NBEA: variants seen among roughly 807,000 people sequenced by gnomAD.
NBEA encodes lysosomal-trafficking regulator 2.
Under a neutral mutation model 343.4 loss-of-function variants are expected in NBEA, and 44 were observed. The observed-to-expected ratio is 0.13, with a 90% CI of 0.10 to 0.16. The LOEUF (loss-of-function observed/expected upper bound fraction) is 0.16, where lower values mean the gene tolerates loss of function less well. Ranked by LOEUF, NBEA falls within the 10% of genes least tolerant of loss-of-function variation. The pLI is 1.00. For synonymous variants in NBEA, 1,175 were observed against 1,238.7 expected (o/e 0.95, Z 1.08); for missense variants, 2,555 against 3,631.3 (o/e 0.70, Z 7.62).
intron 34 of NBEA, among the ~76,000 whole-genome samples, chr13:35,255,230 G>A (rs1046957634): frequency 2.6e-5 from 4 of 152,190 alleles, no homozygotes; most frequent in African/African-American, 4.8e-5. Flanking sequence ...GGACTGTTGC[G>A]AAGCATCACT....
At chr13:35,182,271 TA>T in intron 28 of NBEA, 88 bp from the exon 29 acceptor site, 1 of 1,166,912 alleles carries the variant, frequency 8.6e-7, no homozygotes. Context: ...TTTGCCTCCA[TA>T]AAGATAATAA....
chr13:35,529,239 T>C (rs533217372), intron 41 of NBEA, among the ~76,000 whole-genome samples: 44 of 152,204 alleles, frequency 2.9e-4, no homozygotes, highest in Non-Finnish European at 5.4e-4. Flanking sequence ...GCTAACTTCA[T>C]ATTTTCAGTA....
In NBEA at chr13:35,649,758, C is replaced by G. The variant is rs1312632998; in HGVS notation, c.7874C>G (p.Ala2625Gly). The G allele has an allele frequency of 6.2e-7, 1 of 1,613,976 alleles. No individual in the cohort carries two copies. Among genetic ancestry groups the G allele is most frequent in the Non-Finnish European group, 8.5e-7 (1 of 1,179,838 alleles). ...PSNSPVTHVA[A>G]NTLPHLTIPA... ...AATTCTCCAGTAACCCATGTGGCAG[C>G]CAACACTCTGCCCCACTTGACCATC... The change falls in exon 52 of 59, where the codon GCC becomes GGC. Residue 2625 changes from alanine to glycine, a missense_variant. By Grantham distance (60) the Ala-to-Gly change is moderately conservative. Transcript: ENST00000379939.
chr13:35,168,009 C>G (rs1045288026), intron 24 of NBEA, among the ~76,000 whole-genome samples: 1 of 151,692 alleles, frequency 6.6e-6, no homozygotes, highest in Non-Finnish European at 1.5e-5. Context: ...GAAAGAAGAG[C>G]TGCTTTTTCT....
chr13:35,641,961 A>G (rs2083977441), intron 49 of NBEA, among the ~76,000 whole-genome samples: 1 of 152,244 alleles, frequency 6.6e-6, no homozygotes, highest in South Asian at 2.1e-4. Flanking sequence ...TAATAAGCTT[A>G]ACTTCAGGAT....
chr13:34,987,728 T>C lies in NBEA; in HGVS notation c.294+44614T>C, dbSNP rs1329469549. On this transcript the variant is annotated intron_variant, in intron 1 of 58. Transcript: ENST00000379939. ...TTTTTTCTCTAACTTCTCTTCTCGC[T>C]TTATTTCATTAATTTGATCTTCAAT... is the stretch of plus-strand genomic sequence containing the variant. 2.0e-5 allele frequency among the ~76,000 whole-genome samples: 3 copies of C among 151,128 alleles called. No homozygotes were observed. In the East Asian group the frequency reaches 5.8e-4, roughly 29 times the overall value.
chr13:35,157,298 C>T, intron 21 of NBEA, 28 bp downstream of exon 21: 1 of 1,472,644 alleles, frequency 6.8e-7, no homozygotes. Flanking sequence ...ATTTTAACAT[C>T]ATCAGAGTTA....
chr13:35,494,493 A>G (rs1361576571), intron 41 of NBEA, among the ~76,000 whole-genome samples: 1 of 151,994 alleles, frequency 6.6e-6, no homozygotes, highest in Non-Finnish European at 1.5e-5. Flanking sequence ...AAAAACTGCA[A>G]TTACTTTTGC....
At chr13:35,670,800 G>C (rs953257075) in intron 58 of NBEA, 101 bp from the exon 59 acceptor site, 27 of 745,042 alleles carry the variant, frequency 3.6e-5, no homozygotes, top group Non-Finnish European at 6.2e-5. Flanking sequence ...TCGTGATATT[G>C]TCTAGTGTAA....
chr13:34,994,227 G>T lies in NBEA; in HGVS notation c.295-46706G>T, dbSNP rs113475062. ...AAAAAAAAAAAAAAAAAAAAAAAAA[G>T]TTCTATAAGAAAAAAGTAAATAAAT... On this transcript the variant is annotated intron_variant, in intron 1 of 58. Transcript: ENST00000379939. Among the ~76,000 whole-genome samples the T allele has an allele frequency of 8.9e-3, 1,052 of 118,784 alleles. 15 individuals carry two copies. Among genetic ancestry groups the T allele is most frequent in the African/African-American group, 0.029 (953 of 32,890 alleles). The allele number at this position is 118,784 out of a possible 152,430, so 77.9% of individuals were successfully genotyped here. A position where few individuals can be genotyped will look rare whatever the true frequency, so the allele number is the denominator to read the frequency against.
Position 35,195,895 on chromosome 13 carries a change from A to G in NBEA, c.4959A>G (p.Lys1653=). The G allele has an allele frequency of 1.2e-6, 2 of 1,607,212 alleles. No homozygotes were observed. The highest frequency in any genetic ancestry group is 2.7e-5 in the African/African-American group (2 of 74,462). The part of the protein sequence containing the change: ...ETPAAFPDTI[K]EKETPTPGED... The stretch of plus-strand genomic sequence containing the variant: ...CTGCTGCATTTCCAGACACCATAAA[A>G]GAAAAAGAAACACCAACTCCTGGTG... The change falls in exon 31 of 59, where the codon AAA becomes AAG. Residue 1653 remains lysine (K), a synonymous_variant. Transcript: ENST00000379939.
chr13:35,190,107 G>A (rs183704388), intron 30 of NBEA, among the ~76,000 whole-genome samples: 44 of 152,164 alleles, frequency 2.9e-4, no homozygotes, highest in African/African-American at 9.6e-4. Flanking sequence ...TATTTGAACT[G>A]TATGGAATCT....
intron 53 of NBEA, among the ~76,000 whole-genome samples, chr13:35,652,640 CA>C (rs546162156): frequency 0.18 from 14,957 of 81,150 alleles, 1,006 homozygotes; most frequent in South Asian, 0.24. Context: ...GACTCCATCT[CA>C]AAAAAAAAAA....
chr13:35,499,601 T>A (rs893756985), intron 41 of NBEA, among the ~76,000 whole-genome samples: 1 of 152,106 alleles, frequency 6.6e-6, no homozygotes, highest in South Asian at 2.1e-4. Context: ...GGCACTGTTC[T>A]CTTTTTTGCC....
At chr13:35,261,493 A>G in intron 34 of NBEA, among the ~76,000 whole-genome samples, 1 of 152,278 alleles carries the variant, frequency 6.6e-6, no homozygotes, top group East Asian at 1.9e-4. Context: ...CCTGGGCAAC[A>G]GAGCGAGACT....
chr13:35,517,138 A>G (rs1594859544), intron 41 of NBEA, among the ~76,000 whole-genome samples: 2 of 152,240 alleles, frequency 1.3e-5, no homozygotes, highest in East Asian at 3.9e-4. Flanking sequence ...ATTTCTGCAT[A>G]ACATTTGACA....
chr13:35,386,101 A>G (rs982001427), intron 38 of NBEA, among the ~76,000 whole-genome samples: 11 of 152,136 alleles, frequency 7.2e-5, no homozygotes, highest in African/African-American at 2.4e-4. Context: ...TAAAAATAAA[A>G]TATATAATTT....
intron 1 of NBEA, among the ~76,000 whole-genome samples, chr13:35,018,186 CCT>C (rs1314627198): frequency 1.3e-5 from 2 of 151,936 alleles, no homozygotes; most frequent in African/African-American, 4.8e-5. Flanking sequence ...TAGTTTAGGG[CCT>C]CTCAAGTTTG....
intron 4 of NBEA, among the ~76,000 whole-genome samples, chr13:35,047,772 A>G (rs1198117439): frequency 6.7e-6 from 1 of 149,666 alleles, no homozygotes; most frequent in Non-Finnish European, 1.5e-5. Flanking sequence ...TCCGTGTTGT[A>G]TTTGAGAAAG....
Sources: gnomAD v4.1 joint callset for allele counts (sites outside exome capture counted in the v4.1 genomes callset) on GRCh38, gnomAD v4.1.1 for gene constraint, MANE v1.5 for transcripts, NCBI Gene and HGNC (gene_info 2026-07-23, HGNC 2026-07-21) for gene names.